Variants in CDH9 observed in about 807,000 individuals in gnomAD.
The protein encoded by CDH9 is cadherin 9, also known as cadherin-9.
Under a neutral mutation model 70.9 loss-of-function variants are expected in CDH9, and 28 were observed. The ratio of observed to expected loss-of-function variants is 0.40; its 90% CI spans 0.29 to 0.54. CDH9 has a LOEUF of 0.54. CDH9 is among the 20% of genes least tolerant of loss of function. The probability of loss-of-function intolerance (pLI) is 0.59; values close to 1 mark genes in which losing one functional copy is unlikely to be tolerated. For synonymous variants in CDH9, 409 were observed against 343.1 expected, an observed-to-expected ratio of 1.19 and a Z score of -2.12; for missense variants, 874 against 984.4, an observed-to-expected ratio of 0.89 and a Z score of 1.50.
rs1175469445 is a variant in CDH9 at position 26,890,437 on chromosome 5, T to C, written c.1381A>G (p.Thr461Ala). ...TGTAGCTCCAACTTACTTATTTCTG[T>C]GGCTGTAACAGTGATGTTATGCCAA... Reference protein sequence around the residue: ...SPWHNITVTATEINNPKQSSH... With the variant: ...SPWHNITVTAAEINNPKQSSH... Residue 461 changes from threonine (T) to alanine (A), a missense_variant, in exon 8 of 12, where the codon ACA becomes GCA. Coordinates refer to ENST00000231021, the MANE Select transcript of CDH9 (RefSeq NM_016279.4). 6.2e-7 allele frequency: 1 copy of C among 1,613,716 alleles called. No homozygotes were observed. Among genetic ancestry groups the C allele is most frequent in the Non-Finnish European group, 8.5e-7 (1 of 1,179,692 alleles).
At chr5:26,938,368 A>G (rs541072797) in intron 2 of CDH9, among the ~76,000 whole-genome samples, 2 of 152,006 alleles carry the variant, frequency 1.3e-5, no homozygotes, top group African/African-American at 4.8e-5. Context: ...GCATTTCACA[A>G]AATTAGATGC....
intron 1 of CDH9, among the ~76,000 whole-genome samples, chr5:26,990,663 A>C (rs1210613268): frequency 3.9e-5 from 6 of 152,180 alleles, no homozygotes; most frequent in Non-Finnish European, 8.8e-5. Context: ...AACATGCCCC[A>C]TGTTTTGTAG....
chr5:26,953,743 A>G (rs151176326), intron 2 of CDH9, among the ~76,000 whole-genome samples: 4 of 152,252 alleles, frequency 2.6e-5, no homozygotes, highest in African/African-American at 4.8e-5. Context: ...CTCTTCTTCT[A>G]ACATTTAAGT....
intron 1 of CDH9, among the ~76,000 whole-genome samples, chr5:26,988,718 A>G (rs1319099740): frequency 6.6e-6 from 1 of 152,066 alleles, no homozygotes; most frequent in African/African-American, 2.4e-5. Context: ...CAAATGTTCC[A>G]TAGTCCTTAA....
chr5:27,018,021 T>A (rs964503090), intron 1 of CDH9, among the ~76,000 whole-genome samples: 1 of 151,908 alleles, frequency 6.6e-6, no homozygotes, highest in Non-Finnish European at 1.5e-5. Flanking sequence ...TTTTTTCTAT[T>A]CAGCATAGTA....
At chr5:26,896,135 T>C (rs927204466) in intron 7 of CDH9, among the ~76,000 whole-genome samples, 5 of 152,020 alleles carry the variant, frequency 3.3e-5, no homozygotes, top group African/African-American at 4.8e-5. Flanking sequence ...TTATAATTGA[T>C]TATTTCTAGG....
chr5:26,981,005 A>T (rs960503), intron 2 of CDH9, among the ~76,000 whole-genome samples: 71,969 of 151,844 alleles, frequency 0.47, 17,878 homozygotes, highest in African/African-American at 0.52. Context: ...ATACAGTCCC[A>T]ACCAGACAAA....
chr5:26,994,232 G>A (rs1742628877), intron 1 of CDH9, among the ~76,000 whole-genome samples: 2 of 152,124 alleles, frequency 1.3e-5, no homozygotes, highest in Non-Finnish European at 2.9e-5. Flanking sequence ...GAACTTCATA[G>A]AGTTGATGTT....
intron 1 of CDH9, among the ~76,000 whole-genome samples, chr5:27,029,674 G>T (rs1743277807): frequency 6.6e-6 from 1 of 151,858 alleles, no homozygotes; most frequent in Non-Finnish European, 1.5e-5. Context: ...GTAATGGATG[G>T]ATGAATAAAT....
chr5:26,930,934 G>A (rs973713), intron 2 of CDH9, among the ~76,000 whole-genome samples: 2 of 151,874 alleles, frequency 1.3e-5, no homozygotes, highest in Non-Finnish European at 2.9e-5. Flanking sequence ...TCTCATATTA[G>A]ATATTAGCTT....
In CDH9 at chr5:26,881,548, C is replaced by A; in HGVS notation, c.1958G>T (p.Arg653Leu). ...EPLIISKDDV[R>L]DNIVTYNDEG... Reference sequence around the variant, plus strand: ...ATCGTTGTAGGTCACAATGTTGTCCCGGACATCGTCTTTTGAAATTATCAG... The same window carrying A: ...ATCGTTGTAGGTCACAATGTTGTCCAGGACATCGTCTTTTGAAATTATCAG... The change falls in exon 12 of 12, where the codon CGG becomes CTG. Residue 653 changes from arginine (R) to leucine (L), a missense_variant. Transcript: ENST00000231021. The A allele has an allele frequency of 6.2e-7, 1 of 1,613,548 alleles. No homozygotes were observed. Among genetic ancestry groups the A allele is most frequent in the Non-Finnish European group, 8.5e-7 (1 of 1,179,716 alleles).
intron 9 of CDH9, 52 bp from the exon 10 acceptor site, chr5:26,886,135 T>G: frequency 6.5e-7 from 1 of 1,529,634 alleles, no homozygotes; most frequent in African/African-American, 1.4e-5. Flanking sequence ...AATGTTCTTG[T>G]TATTACAAGA....
intron 2 of CDH9, among the ~76,000 whole-genome samples, chr5:26,984,230 T>C (rs894145385): frequency 4.1e-4 from 62 of 152,158 alleles, no homozygotes; most frequent in African/African-American, 1.4e-3. Flanking sequence ...CCTTATTTAA[T>C]AGTGGCTACC....
At chr5:27,005,936 A>G (rs1742857876) in intron 1 of CDH9, among the ~76,000 whole-genome samples, 1 of 152,072 alleles carries the variant, frequency 6.6e-6, no homozygotes, top group Admixed American at 6.6e-5. Flanking sequence ...CAAATATCAC[A>G]TGTTGTCACT....
intron 7 of CDH9, among the ~76,000 whole-genome samples, chr5:26,900,566 T>C (rs1740837314): frequency 2.0e-5 from 3 of 152,082 alleles, no homozygotes; most frequent in Non-Finnish European, 2.9e-5. Context: ...AAAGATAACA[T>C]GGATTATTAA....
chr5:26,895,354 T>G (rs1740731044), intron 7 of CDH9, among the ~76,000 whole-genome samples: 1 of 152,024 alleles, frequency 6.6e-6, no homozygotes, highest in Non-Finnish European at 1.5e-5. Flanking sequence ...ATTATTATTA[T>G]TTTACCTTTT....
chr5:26,932,829 T>C (rs1395880405), intron 2 of CDH9, among the ~76,000 whole-genome samples: 1 of 151,740 alleles, frequency 6.6e-6, no homozygotes, highest in Non-Finnish European at 1.5e-5. Flanking sequence ...TCTTGTTCAG[T>C]CTTTATGTTA....
At chr5:26,885,509 T>C in intron 11 of CDH9, 105 bp downstream of exon 11, 1 of 967,926 alleles carries the variant, frequency 1.0e-6, no homozygotes, top group Non-Finnish European at 1.5e-6. Flanking sequence ...AGTGAAAATG[T>C]TCTATCTTTA....
chr5:27,030,084 A>G (rs1197515448), intron 1 of CDH9, among the ~76,000 whole-genome samples: 1 of 152,002 alleles, frequency 6.6e-6, no homozygotes, highest in Non-Finnish European at 1.5e-5. Flanking sequence ...ATTCTCCAAA[A>G]TTCTCATGCA....
Sources: allele counts gnomAD v4.1 joint callset (sites outside exome capture counted in the v4.1 genomes callset), GRCh38; gene constraint gnomAD v4.1.1; transcripts MANE v1.5; gene names NCBI Gene and HGNC (gene_info 2026-07-23, HGNC 2026-07-21).